Variants in THRAP3 observed in about 807,000 individuals in gnomAD.
THRAP3 encodes the protein thyroid hormone receptor associated protein 3, also known as thyroid hormone receptor-associated protein 3.
Under a neutral mutation model 101.0 loss-of-function variants are expected in THRAP3, and 16 were observed. The ratio of observed to expected loss-of-function variants is 0.16; its 90% CI spans 0.11 to 0.24. The LOEUF (loss-of-function observed/expected upper bound fraction) is 0.24. Ranked by LOEUF, THRAP3 falls within the 10% of genes least tolerant of loss-of-function variation. The pLI is 1.00. For synonymous variants in THRAP3, 407 were observed against 422.6 expected, an observed-to-expected ratio of 0.96 and a Z score of 0.45; for missense variants, 989 against 1,202.7, an observed-to-expected ratio of 0.82 and a Z score of 2.63.
chr1:36,294,942 G>A (rs1032291314), intron 8 of THRAP3, among the ~76,000 whole-genome samples: 3 of 152,134 alleles, frequency 2.0e-5, no homozygotes, highest in African/African-American at 4.8e-5. Flanking sequence ...AACAATAAAC[G>A]GCCGGGCAAG....
chr1:36,265,028 C>T (rs531529135), intron 2 of THRAP3, among the ~76,000 whole-genome samples: 10 of 152,164 alleles, frequency 6.6e-5, no homozygotes, highest in East Asian at 5.8e-4. Flanking sequence ...TTATAAGCAT[C>T]GTATACCTCA....
the THRAP3 span, among the ~76,000 whole-genome samples, chr1:36,209,034 T>C: frequency 7.1e-6 from 1 of 139,924 alleles, no homozygotes; most frequent in Non-Finnish European, 1.5e-5. Context: ...TGGAGTGCAG[T>C]GATGGAATCG....
chr1:36,215,443 G>A, the THRAP3 span, among the ~76,000 whole-genome samples: 195 of 152,208 alleles, frequency 1.3e-3, no homozygotes, highest in African/African-American at 4.5e-3. Context: ...TTTTCCCTGT[G>A]TTTTTCCTTC....
intron 8 of THRAP3, among the ~76,000 whole-genome samples, chr1:36,295,197 A>C (rs1245053879): frequency 1.3e-5 from 2 of 148,756 alleles, no homozygotes; most frequent in African/African-American, 5.0e-5. Context: ...TACTCCAGCC[A>C]GGGCAACAAG....
rs371277366 is a variant in THRAP3 at position 36,230,211 on chromosome 1, C to T, written c.-135+5706C>T. On this transcript the variant is annotated intron_variant, in intron 1 of 11. Coordinates refer to ENST00000354618, the MANE Select transcript of THRAP3 (RefSeq NM_005119.4). ...TCAGCTGACCGCAACTTCCACCTCC[C>T]GGGTTCAAGCGATTCTCCTGCCTCA... 1.3e-4 allele frequency among the ~76,000 whole-genome samples: 19 copies of T among 150,344 alleles called. 2 individuals are homozygous for T. Among genetic ancestry groups the T allele is most frequent in the African/African-American group, 3.4e-4 (14 of 40,854 alleles).
chr1:36,274,376 T>A (rs1294442952), intron 2 of THRAP3, among the ~76,000 whole-genome samples: 4 of 152,158 alleles, frequency 2.6e-5, no homozygotes, highest in African/African-American at 9.6e-5. Context: ...GCACACACAC[T>A]GTCAAAATCC....
In THRAP3 at chr1:36,296,803, T is replaced by G. The variant is rs1421943877; in HGVS notation, c.2303+33T>G. ...AGCCCCTGTTACCCCTTCCAGACTC[T>G]TAAGTTTCTTGTCTGTCCCCTTTGG... is the stretch of plus-strand genomic sequence containing the variant. On this transcript the variant is annotated intron_variant, in intron 9 of 11. Transcript: ENST00000354618. 6 of 1,519,516 alleles carry G rather than the reference T, an allele frequency of 3.9e-6. No homozygotes were observed. In the South Asian group the frequency reaches 6.7e-5, roughly 17 times the overall value. The allele number at this position is 1,519,516 out of a possible 1,614,324, so 94.1% of individuals were successfully genotyped here. A position where few individuals can be genotyped will look rare whatever the true frequency, so the allele number is the denominator to read the frequency against.
At chr1:36,265,458 ACT>A (rs1491372751) in intron 2 of THRAP3, among the ~76,000 whole-genome samples, 2 of 106,670 alleles carry the variant, frequency 1.9e-5, no homozygotes, top group African/African-American at 3.3e-5. Context: ...AAGACAGGAA[ACT>A]TTTTTTTTTT....
At position 36,253,923 on chromosome 1, in the gene THRAP3, A is replaced by G. The variant is rs1570270914; in HGVS notation, c.-134-5459A>G. Among the ~76,000 whole-genome samples, 4 of 151,978 alleles carry G rather than the reference A, an allele frequency of 2.6e-5. No homozygotes were observed. In the East Asian group the frequency reaches 7.7e-4, roughly 29 times the overall value. On this transcript the variant is annotated intron_variant, in intron 1 of 11. Coordinates refer to ENST00000354618, the MANE Select transcript of THRAP3 (RefSeq NM_005119.4). ...CCAGGTCTTTGTAATTTTAAACTGT[A>G]TTCATTAAGAAACATTATCAACTCT... is the stretch of plus-strand genomic sequence containing the variant.
chr1:36,292,468 C>T, intron 6 of THRAP3, 130 bp from the exon 7 acceptor site: 1 of 595,244 alleles, frequency 1.7e-6, no homozygotes, highest in Non-Finnish European at 3.0e-6. Flanking sequence ...GACGGGGTTT[C>T]ACCGTGTTAG....
At position 36,286,239 on chromosome 1, in the gene THRAP3, TG is replaced by T. The variant is rs889860990; in HGVS notation, c.138-128del. The T allele has an allele frequency of 5.8e-6, 5 of 860,340 alleles. No homozygotes were observed. The highest frequency in any genetic ancestry group is 7.2e-6 in the Non-Finnish European group (4 of 556,122). 53.3% of individuals were successfully genotyped at this position (860,340 alleles called of 1,614,324 possible). The stretch of plus-strand genomic sequence containing the variant: ...CATACGTAGTGGGATTAAATATTTG[TG>T]CCCTTGCTTTGAAAACAAAACTGAA... On this transcript the variant is annotated intron_variant, in intron 3 of 11. Transcript: ENST00000354618. This position sits in a 1 kb window ranked among gnomAD's most constrained non-coding sequence, Gnocchi z 5.5.
chr1:36,292,685 A>AG lies in THRAP3; in HGVS notation c.2006_2007insG (p.Asn669LysfsTer26). ...GGAACTGAGCAGGAGGCAGCCAAAA[A>AG]CAAGAAAAGCCCAGAGATACACAGG... On this transcript the variant is annotated frameshift_variant, in exon 7 of 12. Coordinates refer to ENST00000354618, the MANE Select transcript of THRAP3 (RefSeq NM_005119.4). LOFTEE classifies it high-confidence loss of function. 1 of 1,613,708 alleles carries AG rather than the reference A, an allele frequency of 6.2e-7. No individual in the cohort carries two copies. The highest frequency in any genetic ancestry group is 8.5e-7 in the Non-Finnish European group (1 of 1,179,822).
At chr1:36,273,884 T>TA (rs1462671954) in intron 2 of THRAP3, among the ~76,000 whole-genome samples, 26 of 150,940 alleles carry the variant, frequency 1.7e-4, no homozygotes, top group Admixed American at 5.3e-4. Context: ...CTATTAAAAA[T>TA]AAAAAAAAAT....
intron 1 of THRAP3, among the ~76,000 whole-genome samples, chr1:36,232,590 A>C (rs909938605): frequency 1.1e-4 from 16 of 152,234 alleles, no homozygotes; most frequent in South Asian, 4.1e-4. Context: ...TCTAGTCACT[A>C]CCTAGGACAT....
At position 36,304,283 on chromosome 1, in the gene THRAP3, G is replaced by T; in HGVS notation, c.*266G>T. On this transcript the variant is annotated 3_prime_UTR_variant, in exon 12 of 12. Coordinates refer to ENST00000354618, the MANE Select transcript of THRAP3 (RefSeq NM_005119.4). ...TTAGCTGTTTTTCTCATTTGTTGGT[G>T]TGTGGGGTGGGGGCAGGGGTAGGGC... The T allele has an allele frequency of 3.0e-6, 1 of 330,010 alleles. No individual in the cohort carries two copies. The highest frequency in any genetic ancestry group is 5.5e-6 in the Non-Finnish European group (1 of 182,568). 20.4% of individuals were successfully genotyped at this position (330,010 alleles called of 1,614,324 possible).
chr1:36,273,147 C>T (rs1387395939), intron 2 of THRAP3, among the ~76,000 whole-genome samples: 1 of 152,120 alleles, frequency 6.6e-6, no homozygotes, highest in Non-Finnish European at 1.5e-5. Flanking sequence ...GGTTTGGTAT[C>T]CTGAATTGTT....
the THRAP3 span, among the ~76,000 whole-genome samples, chr1:36,211,343 A>G: frequency 6.6e-6 from 1 of 151,816 alleles, no homozygotes; most frequent in East Asian, 1.9e-4. Flanking sequence ...CCTGGGAGAC[A>G]GAGTGAGTCC....
chr1:36,272,730 T>C (rs189129943), intron 2 of THRAP3, among the ~76,000 whole-genome samples: 13 of 152,296 alleles, frequency 8.5e-5, no homozygotes, highest in Non-Finnish European at 1.5e-4. Context: ...TTCTTCCCTT[T>C]AGTGACTGTT....
In THRAP3 at chr1:36,288,774, GT is replaced by G. The variant is rs781322180; in HGVS notation, c.1041-281del. Reference sequence around the variant, plus strand: ...TACAGGTAAGTAGGTTTTTGTTTTTGTTTTTGAGTATCCTAAAAATAACTTT... The same window carrying G: ...TACAGGTAAGTAGGTTTTTGTTTTTGTTTTGAGTATCCTAAAAATAACTTT... On this transcript the variant is annotated intron_variant, in intron 4 of 11. Transcript: ENST00000354618. 5.4e-4 allele frequency: 529 copies of G among 985,168 alleles called. 1 individual carries two copies. The highest frequency in any genetic ancestry group is 5.7e-4 in the Non-Finnish European group (474 of 829,854). The allele number at this position is 985,168 out of a possible 1,614,324, so 61.0% of individuals were successfully genotyped here.
Sources: allele counts gnomAD v4.1 joint callset (sites outside exome capture counted in the v4.1 genomes callset), GRCh38; gene constraint gnomAD v4.1.1; non-coding constraint Gnocchi (gnomAD v3.1); transcripts MANE v1.5; gene names NCBI Gene and HGNC (gene_info 2026-07-23, HGNC 2026-07-21).